Variants in MYH11 observed in about 807,000 individuals in gnomAD.
MYH11 encodes myosin heavy chain 11, also known as myosin-11.
In MYH11, 80 loss-of-function variants were observed where a neutral mutation model predicts 246.6. That is an observed-to-expected ratio of 0.32 (90% CI 0.27 to 0.39). The LOEUF is 0.39. Among genes scored for constraint, MYH11 ranks in the 10% least tolerant of loss-of-function variants. The pLI, the probability that MYH11 is intolerant of heterozygous loss-of-function variation, is 1.00. For synonymous variants in MYH11, 1,071 were observed against 1,015.5 expected (o/e 1.05, Z -1.04); for missense variants, 2,158 against 2,546.8 (o/e 0.85, Z 3.29).
intron 40 of MYH11, chr16:15,713,037 T>G (rs1159533324): frequency 6.6e-6 from 1 of 151,710 alleles, no homozygotes; most frequent in Non-Finnish European, 1.5e-5. Flanking sequence ...TATTTTTTGG[T>G]AGAGACAGGG....
intron 5 of MYH11, 75 bp from the exon 6 acceptor site, chr16:15,782,552 C>T (rs2042382098): frequency 8.3e-7 from 1 of 1,209,186 alleles, no homozygotes. Flanking sequence ...TGGATGTTGT[C>T]ACAAAACTCT....
At chr16:15,827,662 A>G (rs189143120) in intron 2 of MYH11, among the ~76,000 whole-genome samples, 11 of 152,284 alleles carry the variant, frequency 7.2e-5, no homozygotes, top group Admixed American at 1.3e-4. Context: ...GTCCCAGCAC[A>G]GGCCTTGGTA....
chr16:15,718,667 C>T, intron 36 of MYH11: 1 of 613,972 alleles, frequency 1.6e-6, no homozygotes, highest in South Asian at 2.0e-5. Context: ...GACCAGCACA[C>T]TCCTCCCTGA....
chr16:15,725,997 T>C, intron 28 of MYH11: 1 of 297,184 alleles, frequency 3.4e-6, no homozygotes, highest in Non-Finnish European at 6.2e-6. Context: ...CCAGCTCTAC[T>C]GGCTGTATGT....
At chr16:15,745,456 G>A (rs1345883715) in intron 19 of MYH11, among the ~76,000 whole-genome samples, 1 of 152,090 alleles carries the variant, frequency 6.6e-6, no homozygotes, top group African/African-American at 2.4e-5. Flanking sequence ...GAAGACCCAG[G>A]GCTCACAACA....
At chr16:15,714,704 C>T in intron 40 of MYH11, 2 of 660,370 alleles carry the variant, frequency 3.0e-6, no homozygotes, top group Non-Finnish European at 5.3e-6. Flanking sequence ...AGAAGGTTAG[C>T]TGCTACCAGG....
At chr16:15,804,449 G>A (rs908569713) in intron 3 of MYH11, among the ~76,000 whole-genome samples, 1 of 152,140 alleles carries the variant, frequency 6.6e-6, no homozygotes, top group African/African-American at 2.4e-5. Context: ...GTGAACCAGG[G>A]AGGTGGAGTT....
chr16:15,715,192 C>T lies in MYH11; in HGVS notation c.5585G>A (p.Arg1862His), dbSNP rs146228576. The change falls in exon 39 of 41, where the codon CGC becomes CAC. Residue 1862 changes from arginine (R) to histidine (H), a missense_variant. Physicochemically the swap from Arg to His is conservative, Grantham distance 29. Transcript: ENST00000300036. ...CTCCTTGTACTGCTCGGCCATCTTG[C>T]GCTCGTCCTCCACCTGCAGCAAGAT... ...KEILLQVEDE[R>H]KMAEQYKEQA... The T allele has an allele frequency of 2.5e-4, 408 of 1,613,952 alleles. 2 individuals carry two copies. The highest frequency in any genetic ancestry group is 4.2e-4 in the South Asian group (38 of 91,082).
intron 25 of MYH11, 49 bp from the exon 26 acceptor site, chr16:15,735,627 C>G (rs2041096248): frequency 6.2e-7 from 1 of 1,606,530 alleles, no homozygotes; most frequent in African/African-American, 1.3e-5. Context: ...CCTTGGTTTC[C>G]TCTCTTACAA....
In MYH11 at chr16:15,737,709, G is replaced by A. The variant is rs2041162249; in HGVS notation, c.3122-89C>T. The A allele has an allele frequency of 2.1e-6, 3 of 1,425,592 alleles. No individual in the cohort carries two copies. In the Admixed American group the frequency reaches 5.2e-5, roughly 25 times the overall value. The allele number at this position is 1,425,592 out of a possible 1,614,324, so 88.3% of individuals were successfully genotyped here. Reference sequence around the variant, plus strand: ...TCCTGCCCAGGCATTTTACCCGGAGGAGATGAACACATCCCCCAATCAGTA... The same window carrying A: ...TCCTGCCCAGGCATTTTACCCGGAGAAGATGAACACATCCCCCAATCAGTA... On this transcript the variant is annotated intron_variant, in intron 24 of 40. Coordinates refer to ENST00000300036, the MANE Select transcript of MYH11 (RefSeq NM_002474.3).
At chr16:15,810,333 C>G (rs2043110235) in intron 3 of MYH11, among the ~76,000 whole-genome samples, 1 of 152,058 alleles carries the variant, frequency 6.6e-6, no homozygotes, top group African/African-American at 2.4e-5. Context: ...CTGTGCCTGG[C>G]CAATATTTAC....
intron 3 of MYH11, 105 bp downstream of exon 3, chr16:15,823,150 C>A: frequency 6.7e-7 from 1 of 1,487,616 alleles, no homozygotes; most frequent in Non-Finnish European, 9.3e-7. Context: ...AACTCCTGGT[C>A]CCTCGCAGTG....
rs1395621583 is a variant in MYH11 at position 15,773,269 on chromosome 16, T to C, written c.890-1557A>G. The stretch of plus-strand genomic sequence containing the variant: ...AGGCAAAAATGCAGCTTTCTTATAC[T>C]ACCTTTCCTTTCCTCCAGCTATTTT... On this transcript the variant is annotated intron_variant, in intron 8 of 40. Transcript: ENST00000300036. 4.7e-5 allele frequency among the ~76,000 whole-genome samples: 7 copies of C among 149,800 alleles called. No individual in the cohort carries two copies. The Admixed American group carries it at 4.8e-4, about 10-fold the overall frequency.
intron 3 of MYH11, among the ~76,000 whole-genome samples, chr16:15,820,952 A>C (rs2043394337): frequency 6.6e-6 from 1 of 152,142 alleles, no homozygotes; most frequent in Admixed American, 6.5e-5. Flanking sequence ...GGCTCACTGC[A>C]ACCTCCACTT....
chr16:15,812,550 C>CAAAAAA, intron 3 of MYH11, among the ~76,000 whole-genome samples: 1 of 42,314 alleles, frequency 2.4e-5, no homozygotes, highest in African/African-American at 1.2e-4. Flanking sequence ...GATCTTATCT[C>CAAAAAA]TAAAAAAAAA....
At chr16:15,775,676 C>G (rs141424551) in intron 8 of MYH11, among the ~76,000 whole-genome samples, 2 of 152,232 alleles carry the variant, frequency 1.3e-5, no homozygotes. Context: ...CCTGCTGCCC[C>G]TGCAAATTCC....
At chr16:15,825,435 T>A (rs562628176) in intron 2 of MYH11, among the ~76,000 whole-genome samples, 24 of 150,470 alleles carry the variant, frequency 1.6e-4, no homozygotes, top group African/African-American at 5.9e-4. Flanking sequence ...TGATCACCTG[T>A]AGTCCCAGCT....
chr16:15,708,086 C>G (rs920116054), intron 40 of MYH11, among the ~76,000 whole-genome samples: 3 of 152,078 alleles, frequency 2.0e-5, no homozygotes, highest in Non-Finnish European at 4.4e-5. Flanking sequence ...CATGTACATG[C>G]CCGTGAAGCC....
At chr16:15,765,701 A>G (rs1352621359) in intron 9 of MYH11, among the ~76,000 whole-genome samples, 2 of 152,278 alleles carry the variant, frequency 1.3e-5, no homozygotes, top group Middle Eastern at 3.4e-3. Context: ...CCAGCTCAGC[A>G]AAAGGACCCA....
Sources: allele counts gnomAD v4.1 joint callset (sites outside exome capture counted in the v4.1 genomes callset), GRCh38; gene constraint gnomAD v4.1.1; transcripts MANE v1.5; gene names NCBI Gene and HGNC (gene_info 2026-07-23, HGNC 2026-07-21).